Variants in GNAL observed in about 807,000 individuals in gnomAD.
The protein encoded by GNAL is G protein subunit alpha L.
A neutral mutation model predicts 55.1 loss-of-function variants in GNAL; 18 were observed. The ratio of observed to expected loss-of-function variants is 0.33; its 90% confidence interval spans 0.23 to 0.48. The LOEUF (loss-of-function observed/expected upper bound fraction) is 0.48, where lower values mean the gene tolerates loss of function less well. Among genes scored for constraint, GNAL ranks in the 20% least tolerant of loss-of-function variants. The probability of loss-of-function intolerance (pLI) is 0.99; values close to 1 mark genes in which losing one functional copy is unlikely to be tolerated. For missense variants in GNAL, 412 were observed against 614.1 expected, an observed-to-expected ratio of 0.67 and a Z score of 3.48; for synonymous variants, 253 against 237.0, an observed-to-expected ratio of 1.07 and a Z score of -0.62.
intron 5 of GNAL, among the ~76,000 whole-genome samples, chr18:11,843,274 G>A (rs4324196): frequency 0.6 from 90,656 of 151,936 alleles, 30,478 homozygotes; most frequent in Admixed American, 0.76. Context: ...CAAGGTGGGT[G>A]GATCACCTGA....
chr18:11,880,230 C>A (rs1022062599), intron 11 of GNAL, among the ~76,000 whole-genome samples: 1 of 151,060 alleles, frequency 6.6e-6, no homozygotes, highest in Admixed American at 6.6e-5. Flanking sequence ...GCACTCCAGC[C>A]TGGGGGACAC....
chr18:11,867,769 G>A (rs950255285), intron 8 of GNAL, among the ~76,000 whole-genome samples: 11 of 150,898 alleles, frequency 7.3e-5, no homozygotes, highest in Non-Finnish European at 1.3e-4. Flanking sequence ...AGCTGAGATC[G>A]CACCACTGCA....
rs376194092 is a variant in GNAL at position 11,832,480 on chromosome 18, T to C, written c.722+7465T>C. 1.9e-4 allele frequency among the ~76,000 whole-genome samples: 29 copies of C among 152,356 alleles called. No homozygotes were observed. In the East Asian group the frequency reaches 3.9e-3, roughly 20 times the overall value. ...ATCCTATGGCTGTCAAGTCCTGGAATACTCAGCTTTCAGGACAATCTGGAA... is the reference window on the plus strand; with the variant it reads ...ATCCTATGGCTGTCAAGTCCTGGAACACTCAGCTTTCAGGACAATCTGGAA... On this transcript the variant is annotated intron_variant, in intron 5 of 11. Coordinates refer to ENST00000334049, the MANE Select transcript of GNAL (RefSeq NM_182978.4).
chr18:11,724,819 A>G (rs1394281960), intron 1 of GNAL, among the ~76,000 whole-genome samples: 2 of 152,232 alleles, frequency 1.3e-5, no homozygotes, highest in African/African-American at 4.8e-5. Context: ...ACCAAGGCCC[A>G]GGAGCAGGCC....
intron 1 of GNAL, among the ~76,000 whole-genome samples, chr18:11,705,143 C>T (rs1294070911): frequency 2.6e-5 from 4 of 152,164 alleles, no homozygotes; most frequent in Admixed American, 6.5e-5. Context: ...TAGAAACAAC[C>T]GTGCTACTCT....
At chr18:11,749,963 T>C (rs1481881304) in intron 1 of GNAL, among the ~76,000 whole-genome samples, 1 of 152,170 alleles carries the variant, frequency 6.6e-6, no homozygotes, top group Non-Finnish European at 1.5e-5. Context: ...GGGACAGTGA[T>C]GTGGCTGGAT....
chr18:11,806,265 G>A (rs1213135167), intron 4 of GNAL, among the ~76,000 whole-genome samples: 1 of 152,116 alleles, frequency 6.6e-6, no homozygotes, highest in African/African-American at 2.4e-5. Context: ...TGCAGAGTTT[G>A]CAGATATTTT....
chr18:11,741,812 A>G (rs898265816), intron 1 of GNAL, among the ~76,000 whole-genome samples: 6 of 152,218 alleles, frequency 3.9e-5, no homozygotes, highest in African/African-American at 1.4e-4. Context: ...CTCTCCCACA[A>G]TTGCTGTGCT....
rs9956640 is a variant in GNAL, at chr18:11,737,714, G to A, written c.377-15139G>A. Among the ~76,000 whole-genome samples the A allele has an allele frequency of 9.1e-3, 1,387 of 152,326 alleles. 20 individuals are homozygous for A. The highest frequency in any genetic ancestry group is 0.032 in the African/African-American group (1,318 of 41,556). ...AGAGTAGCCATGGGGACTGAAATCC[G>A]GATGCCTCTGCTCTCCAAGCCCTGT... On this transcript the variant is annotated intron_variant, in intron 1 of 11. Coordinates refer to ENST00000334049, the MANE Select transcript of GNAL (RefSeq NM_182978.4).
chr18:11,749,279 GAACTTC>G (rs1243438426), intron 1 of GNAL, among the ~76,000 whole-genome samples: 1 of 152,170 alleles, frequency 6.6e-6, no homozygotes, highest in Non-Finnish European at 1.5e-5. Flanking sequence ...TCCTTCCACA[GAACTTC>G]AACTTTTAGC....
chr18:11,848,968 G>A (rs184084738), intron 5 of GNAL, among the ~76,000 whole-genome samples: 1 of 152,234 alleles, frequency 6.6e-6, no homozygotes, highest in African/African-American at 2.4e-5. Context: ...CCTAATGTGT[G>A]GGTTCAGGCA....
At chr18:11,762,029 C>G (rs572303312) in intron 4 of GNAL, among the ~76,000 whole-genome samples, 2 of 152,310 alleles carry the variant, frequency 1.3e-5, no homozygotes, top group African/African-American at 4.8e-5. Context: ...CAGAGGAAAA[C>G]AGTGATGTGT....
chr18:11,878,663 G>A (rs544334696), intron 11 of GNAL, among the ~76,000 whole-genome samples: 2 of 152,148 alleles, frequency 1.3e-5, no homozygotes, highest in South Asian at 4.2e-4. Context: ...TCCAACTCCT[G>A]GGCTCAAGCA....
intron 1 of GNAL, among the ~76,000 whole-genome samples, chr18:11,727,587 G>A (rs543615969): frequency 3.6e-4 from 55 of 152,356 alleles, no homozygotes; most frequent in African/African-American, 1.3e-3. Context: ...AAGGCAGAAT[G>A]TCGGATGTGG....
At chr18:11,760,118 C>T (rs553530631) in intron 4 of GNAL, among the ~76,000 whole-genome samples, 3 of 152,084 alleles carry the variant, frequency 2.0e-5, no homozygotes, top group Admixed American at 6.5e-5. Flanking sequence ...CCCCGCAGCT[C>T]GCTCTTGGAG....
intron 1 of GNAL, among the ~76,000 whole-genome samples, chr18:11,692,168 A>G (rs1179809522): frequency 6.6e-6 from 1 of 152,202 alleles, no homozygotes. Context: ...AGAAGGAGCT[A>G]TTCCATGACT....
chr18:11,754,998 A>ATG (rs59291287), intron 4 of GNAL, among the ~76,000 whole-genome samples: 1,733 of 149,142 alleles, frequency 0.012, 21 homozygotes, highest in African/African-American at 0.035. Flanking sequence ...GTGAGTGTGT[A>ATG]TGTGTGTGTG....
chr18:11,726,316 C>T (rs949938502), intron 1 of GNAL, among the ~76,000 whole-genome samples: 2 of 152,196 alleles, frequency 1.3e-5, no homozygotes, highest in African/African-American at 4.8e-5. Flanking sequence ...TCACCATTTC[C>T]ACTTTATCTT....
At chr18:11,744,123 G>A (rs1380179721) in intron 1 of GNAL, among the ~76,000 whole-genome samples, 1 of 152,108 alleles carries the variant, frequency 6.6e-6, no homozygotes, top group African/African-American at 2.4e-5. Context: ...GGATATTTCA[G>A]TCCTGGATTT....
Sources: gnomAD v4.1 joint callset for allele counts (sites outside exome capture counted in the v4.1 genomes callset) on GRCh38, gnomAD v4.1.1 for gene constraint, MANE v1.5 for transcripts, NCBI Gene and HGNC (gene_info 2026-07-23, HGNC 2026-07-21) for gene names.